Variants in NGEF observed in about 807,000 individuals in gnomAD.
NGEF encodes ephexin-1.
Under a neutral mutation model 80.9 loss-of-function variants are expected in NGEF, and 31 were observed. That is an observed-to-expected ratio of 0.38 (90% CI 0.29 to 0.52). The LOEUF is 0.52. Among genes scored for constraint, NGEF ranks in the 20% least tolerant of loss-of-function variants. The probability of loss-of-function intolerance (pLI) is 0.84; values close to 1 mark genes in which losing one functional copy is unlikely to be tolerated. For synonymous variants in NGEF, 371 were observed against 370.2 expected (o/e 1.00, Z -0.03); for missense variants, 709 against 926.2 (o/e 0.77, Z 3.04).
intron 5 of NGEF, among the ~76,000 whole-genome samples, chr2:232,916,522 T>C (rs1692806539): frequency 6.6e-6 from 1 of 151,690 alleles, no homozygotes; most frequent in Admixed American, 6.6e-5. Context: ...AGAAGATAAA[T>C]GTAAAGAACC....
chr2:232,959,678 C>T (rs1329040319), intron 3 of NGEF, among the ~76,000 whole-genome samples: 4 of 151,082 alleles, frequency 2.6e-5, no homozygotes, highest in Non-Finnish European at 5.9e-5. Flanking sequence ...CTCCTGGGTT[C>T]AAGTGATTCT....
intron 2 of NGEF, among the ~76,000 whole-genome samples, chr2:232,973,046 T>A (rs111792921): frequency 0.081 from 12,353 of 152,136 alleles, 653 homozygotes; most frequent in South Asian, 0.17. Context: ...TGTGAGCCAC[T>A]GCACCCGGCC....
At chr2:232,971,400 T>A (rs1694180484) in intron 2 of NGEF, among the ~76,000 whole-genome samples, 1 of 152,100 alleles carries the variant, frequency 6.6e-6, no homozygotes, top group Non-Finnish European at 1.5e-5. Context: ...AATAAAACTG[T>A]AAGGCTAGGC....
At chr2:232,971,998 A>G (rs1165226461) in intron 2 of NGEF, among the ~76,000 whole-genome samples, 1 of 152,218 alleles carries the variant, frequency 6.6e-6, no homozygotes, top group Non-Finnish European at 1.5e-5. Context: ...GGTGGCCGCT[A>G]GCCACGTGTG....
At position 232,879,431 on chromosome 2, in the gene NGEF, C is replaced by CCA. The variant is rs1553543016; in HGVS notation, c.*57_*58insTG. On this transcript the variant is annotated 3_prime_UTR_variant, in exon 15 of 15. Transcript: ENST00000264051. The stretch of plus-strand genomic sequence containing the variant: ...CTGTGCTTCCCAGAGCCCCCCCCCC[C>CCA]CCACCTTCTGTCGGGGTCTCATGCA... The CCA allele has an allele frequency of 9.2e-6, 13 of 1,408,538 alleles. No individual in the cohort carries two copies. The African/African-American group carries it at 1.7e-4, about 19-fold the overall frequency. The allele number at this position is 1,408,538 out of a possible 1,614,324, so 87.3% of individuals were successfully genotyped here.
intron 1 of NGEF, among the ~76,000 whole-genome samples, chr2:233,009,390 T>C (rs1340671479): frequency 6.6e-6 from 1 of 152,132 alleles, no homozygotes; most frequent in Admixed American, 6.5e-5. Context: ...ATGGGGGTCT[T>C]GCTATTTTGC....
At chr2:232,945,987 G>A (rs1353502344) in intron 3 of NGEF, among the ~76,000 whole-genome samples, 1 of 150,808 alleles carries the variant, frequency 6.6e-6, no homozygotes, top group Non-Finnish European at 1.5e-5. Flanking sequence ...ATCAACTAGT[G>A]GATAAACTGT....
At chr2:232,981,487 A>G (rs1694415608) in intron 1 of NGEF, among the ~76,000 whole-genome samples, 1 of 152,050 alleles carries the variant, frequency 6.6e-6, no homozygotes, top group Non-Finnish European at 1.5e-5. Flanking sequence ...TAACATCACT[A>G]TTGTAAAACC....
intron 3 of NGEF, among the ~76,000 whole-genome samples, chr2:232,960,982 C>T (rs1234245050): frequency 6.6e-6 from 1 of 152,156 alleles, no homozygotes; most frequent in Non-Finnish European, 1.5e-5. Context: ...CTTTACAGAA[C>T]ACCTTTCTGC....
intron 1 of NGEF, among the ~76,000 whole-genome samples, chr2:232,990,448 A>G (rs1014939963): frequency 2.0e-5 from 3 of 152,126 alleles, no homozygotes; most frequent in Non-Finnish European, 4.4e-5. Flanking sequence ...TATTTAATAC[A>G]AGTTAATATT....
At position 232,888,104 on chromosome 2, in the gene NGEF, T is replaced by A; in HGVS notation, c.1276A>T (p.Ile426Phe). The A allele has an allele frequency of 6.3e-7, 1 of 1,599,114 alleles. No homozygotes were observed. Residue 426 changes from isoleucine to phenylalanine, a missense_variant, in exon 9 of 15, where the codon ATC becomes TTC. Ile to Phe is a conservative substitution (Grantham distance 21, BLOSUM62 0). Coordinates refer to ENST00000264051, the MANE Select transcript of NGEF (RefSeq NM_019850.3). ...GACCTCTCTTCTACCCTCTTCAGGA[T>A]GTTCTATGCACAGAGAAAGGCTGCG... is the stretch of plus-strand genomic sequence containing the variant. ...ITRLKLLVQN[I>F]LKRVEERSER...
Position 232,885,385 on chromosome 2 carries a change from G to A in NGEF, c.1348-16C>T. 1 of 1,610,160 alleles carries A rather than the reference G, an allele frequency of 6.2e-7. No homozygotes were observed. Among genetic ancestry groups the A allele is most frequent in the Non-Finnish European group, 8.5e-7 (1 of 1,176,548 alleles). Reference sequence around the variant, plus strand: ...CCTTCACCACCTGGGACAAGAAGGAGGGCACATCAGGCCACCAAAGCCGGC... The same window carrying A: ...CCTTCACCACCTGGGACAAGAAGGAAGGCACATCAGGCCACCAAAGCCGGC... On this transcript the variant is annotated splice_polypyrimidine_tract_variant and intron_variant, in intron 9 of 14. Transcript: ENST00000264051.
At chr2:232,945,468 TACACAG>T (rs71296809) in intron 3 of NGEF, among the ~76,000 whole-genome samples, 17,754 of 150,240 alleles carry the variant, frequency 0.12, 1,576 homozygotes, top group African/African-American at 0.26. Context: ...GAAATTTGGA[TACACAG>T]ACACAGACAC....
At chr2:233,004,947 GC>G (rs1695055899) in intron 1 of NGEF, among the ~76,000 whole-genome samples, 1 of 151,636 alleles carries the variant, frequency 6.6e-6, no homozygotes, top group African/African-American at 2.4e-5. Context: ...CTGCACTCGT[GC>G]CCCCTAAATT....
At chr2:232,986,345 C>G (rs1402853127) in intron 1 of NGEF, among the ~76,000 whole-genome samples, 1 of 152,206 alleles carries the variant, frequency 6.6e-6, no homozygotes, top group Admixed American at 6.5e-5. Context: ...TGTGACCCAG[C>G]AACCCCACTT....
At chr2:232,985,622 G>A (rs571449192) in intron 1 of NGEF, among the ~76,000 whole-genome samples, 2 of 151,990 alleles carry the variant, frequency 1.3e-5, no homozygotes, top group African/African-American at 4.8e-5. Flanking sequence ...GCTTGGCGGC[G>A]GGTACCTGTA....
intron 5 of NGEF, among the ~76,000 whole-genome samples, chr2:232,910,701 G>A (rs938028819): frequency 1.3e-5 from 2 of 152,210 alleles, no homozygotes; most frequent in African/African-American, 4.8e-5. Context: ...TTTTAGCAAT[G>A]TTTGCTGTGT....
chr2:232,998,530 C>T (rs1348116715), intron 1 of NGEF, among the ~76,000 whole-genome samples: 2 of 152,188 alleles, frequency 1.3e-5, no homozygotes, highest in African/African-American at 2.4e-5. Flanking sequence ...GGGAACTAAG[C>T]CCTGGCACTC....
chr2:232,990,860 A>C (rs931121616), intron 1 of NGEF, among the ~76,000 whole-genome samples: 1 of 152,148 alleles, frequency 6.6e-6, no homozygotes, highest in Non-Finnish European at 1.5e-5. Flanking sequence ...GAACCCAGCA[A>C]TATATGAAAA....
Sources: gnomAD v4.1 joint callset for allele counts (sites outside exome capture counted in the v4.1 genomes callset) on GRCh38, gnomAD v4.1.1 for gene constraint, MANE v1.5 for transcripts, NCBI Gene and HGNC (gene_info 2026-07-23, HGNC 2026-07-21) for gene names.